RORA: variants seen among roughly 807,000 people sequenced by gnomAD.
The protein encoded by RORA is nuclear receptor ROR-alpha.
In RORA, 7 loss-of-function variants were observed where a neutral mutation model predicts 69.5. The observed-to-expected ratio is 0.10, with a 90% CI of 0.06 to 0.19. RORA has a LOEUF of 0.19. Ranked by LOEUF, RORA falls within the 10% of genes least tolerant of loss-of-function variation. The probability of loss-of-function intolerance (pLI) is 1.00; values close to 1 mark genes in which losing one functional copy is unlikely to be tolerated. For synonymous variants in RORA, 261 were observed against 240.8 expected, an observed-to-expected ratio of 1.08 and a Z score of -0.78; for missense variants, 457 against 663.0, an observed-to-expected ratio of 0.69 and a Z score of 3.41.
chr15:60,679,250 CTAAAAA>C (rs1377414496), intron 1 of RORA, among the ~76,000 whole-genome samples: 1 of 152,220 alleles, frequency 6.6e-6, no homozygotes, highest in African/African-American at 2.4e-5. Flanking sequence ...TGCTACTTCT[CTAAAAA>C]TGGCCCCCAA....
chr15:61,137,092 A>AAAGAAAGAAAGG (rs2079252392), intron 1 of RORA, among the ~76,000 whole-genome samples: 1 of 150,238 alleles, frequency 6.7e-6, no homozygotes, highest in Admixed American at 6.6e-5. Flanking sequence ...AGAAAGAAAG[A>AAAGAAAGAAAGG]AAGAAAGAAA....
chr15:60,663,094 T>G (rs1173669643), intron 2 of RORA, among the ~76,000 whole-genome samples: 1 of 152,242 alleles, frequency 6.6e-6, no homozygotes, highest in African/African-American at 2.4e-5. Flanking sequence ...TGGCATCTGC[T>G]GAAGCCTATA....
Position 61,039,894 on chromosome 15 carries a change from T to C in RORA, c.166+189159A>G, listed in dbSNP as rs1360236143. 2.0e-5 allele frequency among the ~76,000 whole-genome samples: 3 copies of C among 151,702 alleles called. No homozygotes were observed. The East Asian group carries it at 5.8e-4, about 29-fold the overall frequency. ...GCAGGTGAGGCTGGGCCCAGGAATCTGCCTTTTTAACAAAGGACCCAGGTA... is the reference window on the plus strand; with the variant it reads ...GCAGGTGAGGCTGGGCCCAGGAATCCGCCTTTTTAACAAAGGACCCAGGTA... On this transcript the variant is annotated intron_variant, in intron 1 of 10. Transcript: ENST00000335670.
intron 1 of RORA, among the ~76,000 whole-genome samples, chr15:60,719,585 G>A (rs190316808): frequency 1.8e-4 from 27 of 152,322 alleles, no homozygotes; most frequent in African/African-American, 6.0e-4. Flanking sequence ...CCAATCTTAT[G>A]TGCATTCCTT....
Position 61,213,947 on chromosome 15 carries a change from G to A in RORA, c.166+15106C>T, listed in dbSNP as rs1016370993. 1.3e-5 allele frequency: 2 copies of A among 152,188 alleles called. No homozygotes were observed. The highest frequency in any genetic ancestry group is 4.8e-5 in the African/African-American group (2 of 41,432). 9.4% of individuals were successfully genotyped at this position (152,188 alleles called of 1,614,324 possible). A position where few individuals can be genotyped will look rare whatever the true frequency, so the allele number is the denominator to read the frequency against. ...GCTTCATCCCAGTCCTCCCTCAGCT[G>A]GCTCATCTTTCACATATTGATTCTA... On this transcript the variant is annotated intron_variant, in intron 1 of 10. Coordinates refer to ENST00000335670, the MANE Select transcript of RORA (RefSeq NM_134261.3). This position sits in a 1 kb window ranked among gnomAD's most constrained non-coding sequence, Gnocchi z 4.1.
At chr15:60,737,707 G>T (rs759735014) in intron 1 of RORA, among the ~76,000 whole-genome samples, 1 of 152,242 alleles carries the variant, frequency 6.6e-6, no homozygotes, top group Non-Finnish European at 1.5e-5. Context: ...ATTGCTGCTT[G>T]TTAGGAAGAG....
In RORA at chr15:61,128,943, T is replaced by C. The variant is rs1262210543; in HGVS notation, c.166+100110A>G. ...CACCACGTGCCTGCCTTGGGCCCAC[T>C]CCCTTCTACGAGTGCCCTTAACCCT... On this transcript the variant is annotated intron_variant, in intron 1 of 10. Coordinates refer to ENST00000335670, the MANE Select transcript of RORA (RefSeq NM_134261.3). This position sits in a 1 kb window ranked among gnomAD's most constrained non-coding sequence, Gnocchi z 4.5. Among the ~76,000 whole-genome samples, 2 of 152,212 alleles carry C rather than the reference T, an allele frequency of 1.3e-5. No homozygotes were observed. Among genetic ancestry groups the C allele is most frequent in the Non-Finnish European group, 2.9e-5 (2 of 68,042 alleles).
chr15:61,158,544 G>A (rs1284400209), intron 1 of RORA, among the ~76,000 whole-genome samples: 1 of 152,106 alleles, frequency 6.6e-6, no homozygotes, highest in East Asian at 1.9e-4. Flanking sequence ...TGCCTTTATT[G>A]AATAAACAAT....
chr15:60,872,282 A>G (rs527806314), intron 1 of RORA, among the ~76,000 whole-genome samples: 573 of 152,328 alleles, frequency 3.8e-3, no homozygotes, highest in Middle Eastern at 0.017. Context: ...GATCATATAC[A>G]AAGATGCTCT....
chr15:60,748,497 C>G (rs1425599695), intron 1 of RORA, among the ~76,000 whole-genome samples: 1 of 152,164 alleles, frequency 6.6e-6, no homozygotes, highest in Non-Finnish European at 1.5e-5. Context: ...TATATGTCAA[C>G]TCACAGGTGG....
intron 1 of RORA, among the ~76,000 whole-genome samples, chr15:60,920,397 A>G (rs1232967164): frequency 6.6e-6 from 1 of 152,218 alleles, no homozygotes; most frequent in Non-Finnish European, 1.5e-5. Context: ...ATTTGAACCT[A>G]TGCCCATTTG....
chr15:61,086,305 G>A (rs2078623861), intron 1 of RORA, among the ~76,000 whole-genome samples: 1 of 152,174 alleles, frequency 6.6e-6, no homozygotes, highest in African/African-American at 2.4e-5. Context: ...TGTCTGAGAA[G>A]GAATTCTGGT....
chr15:60,556,100 A>G (rs537473428), intron 2 of RORA, among the ~76,000 whole-genome samples: 1 of 151,714 alleles, frequency 6.6e-6, no homozygotes, highest in East Asian at 1.9e-4. Context: ...CTACTTTCCA[A>G]TGAAGCACAG....
chr15:60,742,773 C>A (rs2071591410), intron 1 of RORA, among the ~76,000 whole-genome samples: 1 of 152,098 alleles, frequency 6.6e-6, no homozygotes, highest in African/African-American at 2.4e-5. Flanking sequence ...AATGTAATGT[C>A]CTCTAGGTCC....
At chr15:60,847,212 C>A (rs1049804872) in intron 1 of RORA, among the ~76,000 whole-genome samples, 1 of 151,800 alleles carries the variant, frequency 6.6e-6, no homozygotes, top group Admixed American at 6.6e-5. Context: ...AAAAATCGGG[C>A]TTTGGCTGAA....
intron 1 of RORA, among the ~76,000 whole-genome samples, chr15:60,964,031 A>T (rs941477942): frequency 3.0e-4 from 45 of 152,378 alleles, no homozygotes; most frequent in African/African-American, 1.1e-3. Context: ...TTTCTCTCAC[A>T]TAAAACCCCT....
chr15:60,610,990 C>A (rs888351310), intron 2 of RORA, among the ~76,000 whole-genome samples: 1 of 152,098 alleles, frequency 6.6e-6, no homozygotes, highest in Non-Finnish European at 1.5e-5. Context: ...ATAAAAAGTT[C>A]GTAGTAGATA....
chr15:60,543,869 G>A (rs905787217), intron 2 of RORA, among the ~76,000 whole-genome samples: 3 of 152,146 alleles, frequency 2.0e-5, no homozygotes, highest in Non-Finnish European at 2.9e-5. Flanking sequence ...GTAACGACAT[G>A]GAGTTTAGCA....
At chr15:60,898,136 T>A (rs1024418291) in intron 1 of RORA, among the ~76,000 whole-genome samples, 1 of 152,216 alleles carries the variant, frequency 6.6e-6, no homozygotes, top group African/African-American at 2.4e-5. Context: ...CAATGAAGAA[T>A]ACTTTTCTCC....
Sources: allele counts gnomAD v4.1 joint callset (sites outside exome capture counted in the v4.1 genomes callset), GRCh38; gene constraint gnomAD v4.1.1; non-coding constraint Gnocchi (gnomAD v3.1); transcripts MANE v1.5; gene names NCBI Gene and HGNC (gene_info 2026-07-23, HGNC 2026-07-21).